The following VGLL4 variants were observed in gnomAD, a reference collection of about 807,000 sequenced individuals.
VGLL4 encodes the protein vestigial like family member 4.
VGLL4 carries 7 observed loss-of-function variants against 21.0 expected under a neutral mutation model. That is an observed-to-expected ratio of 0.33 (90% CI 0.19 to 0.63). The LOEUF is 0.63. Ranked by LOEUF, VGLL4 falls within the 20% of genes least tolerant of loss-of-function variation. VGLL4 has a pLI of 0.78. For missense variants in VGLL4, 394 were observed against 425.7 expected (o/e 0.93, Z 0.66); for synonymous variants, 222 against 173.2 (o/e 1.28, Z -2.21).
intron 1 of VGLL4, among the ~76,000 whole-genome samples, chr3:11,620,655 T>C (rs749849336): frequency 1.3e-5 from 2 of 152,094 alleles, no homozygotes; most frequent in Non-Finnish European, 2.9e-5. Flanking sequence ...CGCGGAAAAT[T>C]TGGGAGCCAA....
chr3:11,696,457 G>A lies in VGLL4; in HGVS notation c.64+6514C>T, dbSNP rs1019357911. Among the ~76,000 whole-genome samples the A allele has an allele frequency of 4.6e-5, 7 of 152,144 alleles. No individual in the cohort carries two copies. The South Asian group carries it at 6.2e-4, about 14-fold the overall frequency. ...CACCTTGTAGATGCTGATCTACTCCGGCATGTCTGAATATTACCGGCTCCT... is the reference window on the plus strand; with the variant it reads ...CACCTTGTAGATGCTGATCTACTCCAGCATGTCTGAATATTACCGGCTCCT... On this transcript the variant is annotated intron_variant, in intron 2 of 5. Coordinates refer to the VGLL4 transcript ENST00000273038.
chr3:11,614,810 G>C (rs1416620375), intron 1 of VGLL4, among the ~76,000 whole-genome samples: 2 of 152,200 alleles, frequency 1.3e-5, no homozygotes, highest in East Asian at 3.8e-4. Flanking sequence ...CTGAAGACAA[G>C]TAAAGCGAGT....
At chr3:11,602,152 G>A (rs1463487300) in intron 1 of VGLL4, 130 bp from the exon 2 acceptor site, 4 of 775,432 alleles carry the variant, frequency 5.2e-6, no homozygotes, top group Non-Finnish European at 7.6e-6. Context: ...CAATGGGACG[G>A]GGCCGCCTGC....
chr3:11,660,822 T>G (rs1453742728), intron 2 of VGLL4, among the ~76,000 whole-genome samples: 1 of 152,134 alleles, frequency 6.6e-6, no homozygotes, highest in East Asian at 1.9e-4. Flanking sequence ...ATCATTTAAA[T>G]TTAGCTTTAA....
In VGLL4 at chr3:11,719,836, G is replaced by A. The variant is rs1553749012; in HGVS notation, c.-14+558C>T. Among the ~76,000 whole-genome samples the A allele has an allele frequency of 6.6e-6, 1 of 152,068 alleles. No individual in the cohort carries two copies. The highest frequency in any genetic ancestry group is 1.5e-5 in the Non-Finnish European group (1 of 67,986). Reference sequence around the variant, plus strand: ...GCCCGGTGCCAGCTCGCACCTCCCGGGCCGATGCCGGCGCGCTGGGGCAGT... The same window carrying A: ...GCCCGGTGCCAGCTCGCACCTCCCGAGCCGATGCCGGCGCGCTGGGGCAGT... On this transcript the variant is annotated intron_variant, in intron 1 of 5. Coordinates refer to the VGLL4 transcript ENST00000273038. This position sits in a 1 kb window ranked among gnomAD's most constrained non-coding sequence, Gnocchi z 4.0.
intron 1 of VGLL4, among the ~76,000 whole-genome samples, chr3:11,620,300 G>A (rs573985293): frequency 2.0e-5 from 3 of 152,246 alleles, no homozygotes; most frequent in Admixed American, 1.3e-4. Context: ...ATACCACTCG[G>A]AGAGGTTTCA....
intron 2 of VGLL4, among the ~76,000 whole-genome samples, chr3:11,664,013 A>AG (rs1468132932): frequency 6.6e-6 from 1 of 152,128 alleles, no homozygotes; most frequent in Non-Finnish European, 1.5e-5. Flanking sequence ...GCATTTTGGG[A>AG]GTCCAAGGCG....
intron 2 of VGLL4, among the ~76,000 whole-genome samples, chr3:11,691,650 A>C (rs2030066): frequency 0.44 from 66,511 of 151,928 alleles, 15,726 homozygotes; most frequent in Non-Finnish European, 0.54. Flanking sequence ...ATAGTCTTAC[A>C]GTGGCTGCTA....
At chr3:11,638,053 G>GT (rs1481130813) in intron 1 of VGLL4, among the ~76,000 whole-genome samples, 21 of 152,310 alleles carry the variant, frequency 1.4e-4, no homozygotes, top group African/African-American at 4.1e-4. Flanking sequence ...GTGTACATGC[G>GT]TAAGTGCTAA....
intron 2 of VGLL4, among the ~76,000 whole-genome samples, chr3:11,584,940 C>A (rs1399601128): frequency 6.6e-6 from 1 of 152,134 alleles, no homozygotes; most frequent in Non-Finnish European, 1.5e-5. Context: ...CCACCACCAC[C>A]ACCACCACCG....
At chr3:11,685,274 C>T (rs1208360033) in intron 2 of VGLL4, among the ~76,000 whole-genome samples, 1 of 148,846 alleles carries the variant, frequency 6.7e-6, no homozygotes, top group African/African-American at 2.5e-5. Flanking sequence ...TCTCAGCTTA[C>T]TGCAACCTCT....
intron 1 of VGLL4, among the ~76,000 whole-genome samples, chr3:11,704,669 A>G (rs994947387): frequency 1.3e-5 from 2 of 152,156 alleles, no homozygotes; most frequent in Non-Finnish European, 2.9e-5. Flanking sequence ...AGTTTGAGGA[A>G]GCCTGGAGTA....
At chr3:11,575,265 C>A (rs896523298) in intron 2 of VGLL4, among the ~76,000 whole-genome samples, 1 of 152,208 alleles carries the variant, frequency 6.6e-6, no homozygotes, top group South Asian at 2.1e-4. Context: ...AGCAAACGGG[C>A]GTCCATTCTG....
intron 2 of VGLL4, among the ~76,000 whole-genome samples, chr3:11,599,893 A>G (rs1002628192): frequency 7.2e-5 from 11 of 152,072 alleles, no homozygotes; most frequent in African/African-American, 2.4e-4. Context: ...AGTACTTACT[A>G]TCTGCCAGGC....
intron 2 of VGLL4, among the ~76,000 whole-genome samples, chr3:11,598,850 A>C (rs1391600957): frequency 6.6e-6 from 1 of 152,214 alleles, no homozygotes; most frequent in Non-Finnish European, 1.5e-5. Context: ...TTTAGTGATA[A>C]AATACATCAC....
chr3:11,648,900 A>G (rs543787460), upstream of VGLL4, among the ~76,000 whole-genome samples: 2 of 152,360 alleles, frequency 1.3e-5, no homozygotes, highest in African/African-American at 4.8e-5. Flanking sequence ...TGCCATTGGA[A>G]TCTTTGCTCA....
chr3:11,620,936 T>G (rs1368861343), intron 1 of VGLL4, among the ~76,000 whole-genome samples: 2 of 152,230 alleles, frequency 1.3e-5, no homozygotes, highest in Non-Finnish European at 2.9e-5. Flanking sequence ...AGAAGGGCCC[T>G]GGGTGGGGTG....
At chr3:11,676,413 A>AT (rs1553742911) in intron 2 of VGLL4, among the ~76,000 whole-genome samples, 3,280 of 46,884 alleles carry the variant, frequency 0.07, 121 homozygotes, top group African/African-American at 0.16. Context: ...AAAAAAAATA[A>AT]AATAATAATA....
chr3:11,602,478 A>C (rs1392365037), intron 1 of VGLL4, among the ~76,000 whole-genome samples: 1 of 151,818 alleles, frequency 6.6e-6, no homozygotes, highest in Non-Finnish European at 1.5e-5. Flanking sequence ...CTTGGTATTT[A>C]ATTTCTTTTA....
Sources: allele counts gnomAD v4.1 joint callset (sites outside exome capture counted in the v4.1 genomes callset), GRCh38; gene constraint gnomAD v4.1.1; non-coding constraint Gnocchi (gnomAD v3.1); transcripts MANE v1.5; gene names NCBI Gene and HGNC (gene_info 2026-07-23, HGNC 2026-07-21).